Variants in ZNF654 observed in about 807,000 individuals in gnomAD.
The protein encoded by ZNF654 is zinc finger protein 654, also known as melanoma-associated antigen.
Under a neutral mutation model 95.3 loss-of-function variants are expected in ZNF654, and 19 were observed. That is an observed-to-expected ratio of 0.20 (90% CI 0.14 to 0.29). The LOEUF is 0.29. Ranked by LOEUF, ZNF654 falls within the 10% of genes least tolerant of loss-of-function variation. ZNF654 has a pLI of 1.00. For synonymous variants in ZNF654, 413 were observed against 457.9 expected, an observed-to-expected ratio of 0.90 and a Z score of 1.25; for missense variants, 1,046 against 1,341.0, an observed-to-expected ratio of 0.78 and a Z score of 3.44.
intron 2 of ZNF654, among the ~76,000 whole-genome samples, chr3:88,102,671 A>G (rs1396031038): frequency 6.6e-6 from 1 of 152,162 alleles, no homozygotes; most frequent in Non-Finnish European, 1.5e-5. Flanking sequence ...CCAGTGGTGC[A>G]CAGAAGGTCA....
chr3:88,117,435 A>G (rs1705478195), intron 3 of ZNF654, among the ~76,000 whole-genome samples: 1 of 152,188 alleles, frequency 6.6e-6, no homozygotes, highest in African/African-American at 2.4e-5. Flanking sequence ...ATTTAATAAT[A>G]TAGTTGTCAA....
In ZNF654 at chr3:88,088,470, G is replaced by A. The variant is rs566203070; in HGVS notation, c.332+2068G>A. 1.5e-3 allele frequency among the ~76,000 whole-genome samples: 230 copies of A among 152,266 alleles called. 2 individuals carry two copies. Among genetic ancestry groups the A allele is most frequent in the African/African-American group, 5.3e-3 (222 of 41,558 alleles). Reference sequence around the variant, plus strand: ...ACATTAAAAACATCAGTATCACGCTGTGTGAAAGGAATAATGAGATATGAA... The same window carrying A: ...ACATTAAAAACATCAGTATCACGCTATGTGAAAGGAATAATGAGATATGAA... On this transcript the variant is annotated intron_variant, in intron 2 of 8. Transcript: ENST00000636215.
intron 1 of ZNF654, among the ~76,000 whole-genome samples, chr3:88,083,983 AGAAATAGTGTT>A (rs1220303921): frequency 7.3e-5 from 11 of 151,514 alleles, no homozygotes; most frequent in South Asian, 4.1e-4. Context: ...TATTTCAAAG[AGAAATAGTGTT>A]GAAATAGTGT....
chr3:88,126,092 C>A (rs1576331340), intron 3 of ZNF654, 42 bp from the exon 4 acceptor site: 6 of 1,413,504 alleles, frequency 4.2e-6, no homozygotes, highest in Admixed American at 2.7e-5. Flanking sequence ...TAGTTTTTAA[C>A]CCCTTTAAAT....
At chr3:88,079,241 T>C (rs772752938) in intron 1 of ZNF654, among the ~76,000 whole-genome samples, 11 of 152,084 alleles carry the variant, frequency 7.2e-5, no homozygotes, top group Non-Finnish European at 1.6e-4. Flanking sequence ...TGTTCCATAT[T>C]GGGAGCTGTG....
intron 3 of ZNF654, among the ~76,000 whole-genome samples, chr3:88,123,201 T>G (rs1259539948): frequency 1.3e-5 from 2 of 152,132 alleles, no homozygotes; most frequent in Non-Finnish European, 2.9e-5. Flanking sequence ...ACTTGTAAGC[T>G]TATTGTTCTT....
At chr3:88,128,168 C>G (rs1003139780) in intron 4 of ZNF654, among the ~76,000 whole-genome samples, 1 of 151,780 alleles carries the variant, frequency 6.6e-6, no homozygotes, top group Admixed American at 6.6e-5. Context: ...GTTGTTAGGT[C>G]TAAATAAATT....
chr3:88,081,916 C>T (rs929276262), intron 1 of ZNF654, among the ~76,000 whole-genome samples: 5 of 152,116 alleles, frequency 3.3e-5, no homozygotes, highest in African/African-American at 4.8e-5. Flanking sequence ...TATACAACTA[C>T]GTTACAAATG....
At chr3:88,069,817 T>G (rs1707407946) in intron 1 of ZNF654, among the ~76,000 whole-genome samples, 1 of 152,214 alleles carries the variant, frequency 6.6e-6, no homozygotes, top group African/African-American at 2.4e-5. Flanking sequence ...AGTTATTTTA[T>G]GTTTATTATC....
At chr3:88,133,681 T>C (rs1339012939) in intron 6 of ZNF654, among the ~76,000 whole-genome samples, 1 of 152,138 alleles carries the variant, frequency 6.6e-6, no homozygotes. Flanking sequence ...CTCCTAACTC[T>C]ACAACCCACA....
chr3:88,085,776 T>A (rs905246245), intron 1 of ZNF654, among the ~76,000 whole-genome samples: 1 of 152,194 alleles, frequency 6.6e-6, no homozygotes, highest in Non-Finnish European at 1.5e-5. Context: ...CCATAGTATG[T>A]ACAGGTTAAA....
chr3:88,105,991 T>A (rs1051713476), intron 2 of ZNF654, among the ~76,000 whole-genome samples: 4 of 152,212 alleles, frequency 2.6e-5, no homozygotes, highest in Non-Finnish European at 5.9e-5. Flanking sequence ...CATGTAATGA[T>A]CTAGCCTTCT....
At chr3:88,079,380 G>A (rs1348812112) in intron 1 of ZNF654, among the ~76,000 whole-genome samples, 2 of 152,058 alleles carry the variant, frequency 1.3e-5, no homozygotes, top group African/African-American at 2.4e-5. Flanking sequence ...TCTAGGAAGA[G>A]ACTATAATAA....
Position 88,144,273 on chromosome 3 carries a change from C to A in ZNF654, c.*2621C>A, listed in dbSNP as rs1448182668. 1 of 152,252 alleles carries A rather than the reference C, an allele frequency of 6.6e-6. No homozygotes were observed. The highest frequency in any genetic ancestry group is 2.4e-5 in the African/African-American group (1 of 41,394). The allele number at this position is 152,252 out of a possible 1,614,324, so 9.4% of individuals were successfully genotyped here. On this transcript the variant is annotated 3_prime_UTR_variant, in exon 9 of 9. Coordinates refer to ENST00000636215, the MANE Select transcript of ZNF654 (RefSeq NM_001350134.2). ...TATATAATACTTAAATAATTTATAT[C>A]ATTGAACTTGTGATTCTTTTCAAAT...
At chr3:88,085,469 G>T (rs376631250) in intron 1 of ZNF654, among the ~76,000 whole-genome samples, 1 of 151,948 alleles carries the variant, frequency 6.6e-6, no homozygotes, top group East Asian at 1.9e-4. Context: ...CTTTTACCTC[G>T]TGGATGTACA....
At chr3:88,093,324 A>G (rs1304166321) in intron 2 of ZNF654, among the ~76,000 whole-genome samples, 8 of 152,210 alleles carry the variant, frequency 5.3e-5, no homozygotes, top group Non-Finnish European at 8.8e-5. Flanking sequence ...TAAGTTTTAC[A>G]TAAAAGAAAA....
At chr3:88,134,294 C>A (rs1215261156) in intron 6 of ZNF654, among the ~76,000 whole-genome samples, 1 of 151,986 alleles carries the variant, frequency 6.6e-6, no homozygotes, top group Non-Finnish European at 1.5e-5. Context: ...GTGCTGAGTT[C>A]AAAGTATATG....
chr3:88,134,660 A>T (rs1487673826), intron 6 of ZNF654, among the ~76,000 whole-genome samples: 1 of 152,144 alleles, frequency 6.6e-6, no homozygotes, highest in African/African-American at 2.4e-5. Flanking sequence ...AAAATGAAAA[A>T]TATGAACCAT....
chr3:88,086,323 C>G lies in ZNF654; in HGVS notation c.253C>G (p.Leu85Val). ...LPQLQVLQTALCCFTTASASF... is the reference protein window; with the variant it reads ...LPQLQVLQTAVCCFTTASASF... ...ACAGCTTCAGGTTCTTCAGACTGCC[C>G]TTTGTTGTTTTACAACAGCCAGTGC... Residue 85 changes from leucine to valine, a missense_variant, in exon 2 of 9, where the codon CTT (leucine) becomes GTT (valine). Physicochemically the swap from Leu to Val is conservative, Grantham distance 32. Around this residue, in one of 9 missense-constraint regions of ZNF654, gnomAD observed 91 missense variants for 190.5 expected, o/e 0.48. Coordinates refer to ENST00000636215, the MANE Select transcript of ZNF654 (RefSeq NM_001350134.2). 1.3e-6 allele frequency: 2 copies of G among 1,535,034 alleles called. No homozygotes were observed. The highest frequency in any genetic ancestry group is 1.7e-6 in the Non-Finnish European group (2 of 1,146,688).
Sources: gnomAD v4.1 joint callset for allele counts (sites outside exome capture counted in the v4.1 genomes callset) on GRCh38, gnomAD v4.1.1 for gene constraint, gnomAD v4.1.1 regional missense constraint, MANE v1.5 for transcripts, NCBI Gene and HGNC (gene_info 2026-07-23, HGNC 2026-07-21) for gene names.